PIH1D2: variants seen among roughly 807,000 people sequenced by gnomAD.
The protein encoded by PIH1D2 is PIH1 domain containing 2.
Under a neutral mutation model 31.2 loss-of-function variants are expected in PIH1D2, and 25 were observed. That is an observed-to-expected ratio of 0.80 (90% CI 0.58 to 1.12). PIH1D2 has a LOEUF of 1.12. Among genes scored for constraint, PIH1D2 ranks in the 50% most tolerant of loss-of-function variants. PIH1D2 has a pLI of 0.00. For missense variants in PIH1D2, 310 were observed against 356.6 expected (o/e 0.87, Z 1.05); for synonymous variants, 116 against 119.9 (o/e 0.97, Z 0.21).
At chr11:112,061,504 G>C, downstream of PIH1D2, 1 of 312,076 alleles carries the variant, frequency 3.2e-6, no homozygotes, top group South Asian at 3.3e-5. Context: ...TCCATGGTTG[G>C]TTGAATCTAT....
downstream of PIH1D2, chr11:112,059,757 A>T: frequency 1.6e-6 from 1 of 627,326 alleles, no homozygotes; most frequent in Non-Finnish European, 2.7e-6. Context: ...AAATTAGGAT[A>T]GACATCTTAA....
At position 112,070,498 on chromosome 11, in the gene PIH1D2, C is replaced by A; in HGVS notation, c.751G>T (p.Glu251Ter). 6.2e-7 allele frequency: 1 copy of A among 1,614,066 alleles called. No homozygotes were observed. Residue 251 changes from glutamate to a stop codon, truncating the protein, a stop_gained, in exon 5 of 6, where the codon GAG becomes TAG. Transcript: ENST00000280350. LOFTEE classifies it high-confidence loss of function. ...ATACCAGGTAATTCAACTTTCAACT[C>A]AATTTTCAGAGGTTTCTCACTGTGA... Reference protein sequence around the residue: ...HDHSEKPLKIELKVELPGINS... With the variant: ...HDHSEKPLKI
At chr11:112,059,889 T>G (rs1555182998), downstream of PIH1D2, 1 of 1,566,538 alleles carries the variant, frequency 6.4e-7, no homozygotes. Flanking sequence ...ATATTTATTT[T>G]TCTTTTTAAA....
At chr11:112,072,884 C>A (rs367986072) in intron 2 of PIH1D2, 114 bp downstream of exon 2, 50 of 927,072 alleles carry the variant, frequency 5.4e-5, no homozygotes, top group East Asian at 2.8e-4. Flanking sequence ...CAAAACAAAA[C>A]AAAACAAAAA....
downstream of PIH1D2, chr11:112,064,351 G>T: frequency 1.4e-6 from 1 of 727,688 alleles, no homozygotes; most frequent in Non-Finnish European, 2.1e-6. Flanking sequence ...AGTGTTTTTG[G>T]TTCATATGAT....
intron 1 of PIH1D2, among the ~76,000 whole-genome samples, chr11:112,073,617 A>G (rs1555185140): frequency 6.6e-6 from 1 of 152,108 alleles, no homozygotes; most frequent in Non-Finnish European, 1.5e-5. Context: ...GTGAGCCAGA[A>G]TGCCTAGATT....
downstream of PIH1D2, among the ~76,000 whole-genome samples, chr11:112,058,618 G>T (rs182220169): frequency 2.4e-5 from 3 of 125,496 alleles, no homozygotes; most frequent in African/African-American, 6.3e-5. Context: ...GTGGGGGAAG[G>T]GGGGGGTGGG....
chr11:112,072,549 CA>C (rs148760956), intron 2 of PIH1D2, among the ~76,000 whole-genome samples: 293 of 36,348 alleles, frequency 8.1e-3, no homozygotes, highest in African/African-American at 0.032. Context: ...GACCCTATCT[CA>C]AAAAAAAAAA....
downstream of PIH1D2, chr11:112,061,403 C>G (rs980109635): frequency 1.9e-6 from 1 of 517,530 alleles, no homozygotes; most frequent in East Asian, 3.5e-5. Context: ...GCACTTCATT[C>G]ACATGGATCC....
chr11:112,054,923 C>T, the PIH1D2 span, among the ~76,000 whole-genome samples: 1 of 152,146 alleles, frequency 6.6e-6, no homozygotes, highest in Non-Finnish European at 1.5e-5. Context: ...TCCTCTGTGT[C>T]TGTATTTTCT....
At chr11:112,059,816 G>T, downstream of PIH1D2, 1 of 1,226,750 alleles carries the variant, frequency 8.2e-7, no homozygotes, top group Non-Finnish European at 1.1e-6. Flanking sequence ...AAAAATTTTT[G>T]AAGTAAATAT....
chr11:112,073,228 G>T, intron 1 of PIH1D2, 23 bp from the exon 2 acceptor site: 1 of 1,429,572 alleles, frequency 7.0e-7, no homozygotes, highest in Non-Finnish European at 9.6e-7. Flanking sequence ...ACGACTTCAG[G>T]AAGAAAACTG....
At chr11:112,058,948 T>C (rs1261122841), downstream of PIH1D2, among the ~76,000 whole-genome samples, 5 of 152,028 alleles carry the variant, frequency 3.3e-5, no homozygotes, top group South Asian at 8.3e-4. Flanking sequence ...AATTTGAGTA[T>C]TTTCAGTGTT....
chr11:112,071,978 A>C (rs1433582428), intron 2 of PIH1D2, among the ~76,000 whole-genome samples: 1 of 152,166 alleles, frequency 6.6e-6, no homozygotes, highest in African/African-American at 2.4e-5. Context: ...CTGTAATCCC[A>C]GCTACTCGGG....
chr11:112,070,334 A>ATGATT, intron 5 of PIH1D2, 102 bp downstream of exon 5: 1 of 1,391,722 alleles, frequency 7.2e-7, no homozygotes, highest in Non-Finnish European at 9.8e-7. Context: ...ACCTGAGCAA[A>ATGATT]TCATTGTAAG....
chr11:112,064,096 G>T, downstream of PIH1D2: 2 of 1,262,114 alleles, frequency 1.6e-6, no homozygotes, highest in South Asian at 1.5e-5. Flanking sequence ...ATTTTAGGTT[G>T]AAGATTATCC....
downstream of PIH1D2, among the ~76,000 whole-genome samples, chr11:112,060,775 A>G (rs1186924925): frequency 1.3e-5 from 2 of 152,064 alleles, no homozygotes; most frequent in Non-Finnish European, 2.9e-5. Context: ...CTGCCACGTA[A>G]CTCTTATTGA....
chr11:112,053,548 G>A, the PIH1D2 span, among the ~76,000 whole-genome samples: 8 of 152,030 alleles, frequency 5.3e-5, no homozygotes, highest in Admixed American at 2.6e-4. Flanking sequence ...CGCCTCCCGA[G>A]TTCAAGCAAT....
At chr11:112,062,355 A>C (rs587593873), downstream of PIH1D2, 28 of 1,606,214 alleles carry the variant, frequency 1.7e-5, no homozygotes, top group African/African-American at 3.3e-4. Context: ...TTACTGGCTG[A>C]AATGCAGTAT....
Sources: allele counts gnomAD v4.1 joint callset (sites outside exome capture counted in the v4.1 genomes callset), GRCh38; gene constraint gnomAD v4.1.1; transcripts MANE v1.5; gene names NCBI Gene and HGNC (gene_info 2026-07-23, HGNC 2026-07-21).